Variants in GALNT2 observed in about 807,000 individuals in gnomAD.
GALNT2 encodes the protein UDP-GalNAc:polypeptide N-acetylgalactosaminyltransferase 2.
In GALNT2, 31 loss-of-function variants were observed where a neutral mutation model predicts 81.4. That is an observed-to-expected ratio of 0.38 (90% CI 0.29 to 0.51). The LOEUF (loss-of-function observed/expected upper bound fraction) is 0.51, where lower values mean the gene tolerates loss of function less well. GALNT2 is among the 20% of genes least tolerant of loss of function. The probability of loss-of-function intolerance (pLI) is 0.87; values close to 1 mark genes in which losing one functional copy is unlikely to be tolerated. For synonymous variants in GALNT2, 303 were observed against 287.4 expected (o/e 1.05, Z -0.55); for missense variants, 629 against 765.7 (o/e 0.82, Z 2.11).
intron 1 of GALNT2, among the ~76,000 whole-genome samples, chr1:230,077,865 T>C (rs979086412): frequency 6.6e-6 from 1 of 152,262 alleles, no homozygotes; most frequent in African/African-American, 2.4e-5. Flanking sequence ...GCCTAACTCC[T>C]CAATTCACCA....
intron 1 of GALNT2, among the ~76,000 whole-genome samples, chr1:230,083,058 G>C (rs146214417): frequency 9.9e-5 from 15 of 151,500 alleles, no homozygotes; most frequent in African/African-American, 3.6e-4. Flanking sequence ...TGGGATGATG[G>C]AGCAGGGAAG....
chr1:230,158,214 A>C (rs1209646749), intron 1 of GALNT2, among the ~76,000 whole-genome samples: 2 of 151,932 alleles, frequency 1.3e-5, no homozygotes, highest in Non-Finnish European at 2.9e-5. Flanking sequence ...TGAAGGGGGC[A>C]TTTCGTGTTG....
chr1:230,148,892 C>G (rs1330122149), intron 1 of GALNT2, among the ~76,000 whole-genome samples: 1 of 150,866 alleles, frequency 6.6e-6, no homozygotes, highest in Non-Finnish European at 1.5e-5. Flanking sequence ...CAGCCCCACT[C>G]CTCCCCACCT....
intron 3 of GALNT2, among the ~76,000 whole-genome samples, chr1:230,231,677 A>G (rs185780111): frequency 5.1e-4 from 78 of 152,334 alleles, no homozygotes; most frequent in African/African-American, 1.8e-3. Flanking sequence ...GAGTTCAGGT[A>G]CTGAAAGCCA....
At chr1:230,069,532 G>A (rs1659311248) in intron 1 of GALNT2, among the ~76,000 whole-genome samples, 1 of 152,172 alleles carries the variant, frequency 6.6e-6, no homozygotes, top group Non-Finnish European at 1.5e-5. Flanking sequence ...ACTTCGTGTG[G>A]TGGACCCAGG....
In GALNT2 at chr1:230,097,313, A is replaced by T. The variant is rs192619110; in HGVS notation, c.126+29907A>T. On this transcript the variant is annotated intron_variant, in intron 1 of 15. Coordinates refer to ENST00000366672, the MANE Select transcript of GALNT2 (RefSeq NM_004481.5). ...CAGGTAAGTGGTATTAAGTACATTC[A>T]TATTATTGTGCAGCCATGTCCACCG... Among the ~76,000 whole-genome samples, 258 of 152,258 alleles carry T rather than the reference A, an allele frequency of 1.7e-3. 2 individuals carry two copies. The highest frequency in any genetic ancestry group is 5.9e-3 in the African/African-American group (243 of 41,532).
chr1:230,160,042 A>T (rs10127775), intron 1 of GALNT2, among the ~76,000 whole-genome samples: 68,044 of 151,964 alleles, frequency 0.45, 18,285 homozygotes, highest in Non-Finnish European at 0.6. Flanking sequence ...TCCTAGGCCA[A>T]TGTCCTTAGT....
intron 2 of GALNT2, among the ~76,000 whole-genome samples, chr1:230,196,186 G>A (rs925489306): frequency 2.6e-5 from 4 of 152,200 alleles, no homozygotes; most frequent in East Asian, 1.9e-4. Flanking sequence ...CCTGCCTGCC[G>A]TCCCTCCCTA....
chr1:230,211,199 A>G (rs1014040982), intron 3 of GALNT2, among the ~76,000 whole-genome samples: 1 of 152,128 alleles, frequency 6.6e-6, no homozygotes, highest in South Asian at 2.1e-4. Context: ...GCTCCATGGT[A>G]GAGCTGGCCC....
chr1:230,063,294 G>C (rs1659092028), upstream of GALNT2, among the ~76,000 whole-genome samples: 1 of 148,710 alleles, frequency 6.7e-6, no homozygotes, highest in Non-Finnish European at 1.5e-5. Flanking sequence ...CTCGGCGACA[G>C]AGCAAGTGTC....
chr1:230,193,040 A>G lies in GALNT2; in HGVS notation c.221-10097A>G, dbSNP rs191248436. 6.6e-6 allele frequency among the ~76,000 whole-genome samples: 1 copy of G among 152,320 alleles called. No homozygotes were observed. The highest frequency in any genetic ancestry group is 1.9e-4 in the East Asian group (1 of 5,188). ...TTAGGATTTTTTTTCTTTTAAGCAC[A>G]GTAAAATTACATTCAATTTGAGATC... is the stretch of plus-strand genomic sequence containing the variant. On this transcript the variant is annotated intron_variant, in intron 2 of 15. Coordinates refer to ENST00000366672, the MANE Select transcript of GALNT2 (RefSeq NM_004481.5). This position sits in a 1 kb window ranked among gnomAD's most constrained non-coding sequence, Gnocchi z 4.3.
At chr1:230,069,401 T>C (rs1359496471) in intron 1 of GALNT2, among the ~76,000 whole-genome samples, 1 of 152,196 alleles carries the variant, frequency 6.6e-6, no homozygotes, top group Non-Finnish European at 1.5e-5. Context: ...TGGGATTCTA[T>C]TCTTTCTGTC....
chr1:230,274,378 G>C (rs1312668769), intron 14 of GALNT2, 67 bp from the exon 15 acceptor site: 9 of 1,570,052 alleles, frequency 5.7e-6, no homozygotes, highest in African/African-American at 1.4e-5. Context: ...AGCCCTCATC[G>C]ATGCCCCTTC....
intron 1 of GALNT2, among the ~76,000 whole-genome samples, chr1:230,133,847 T>C (rs1661448312): frequency 6.6e-6 from 1 of 152,218 alleles, no homozygotes; most frequent in South Asian, 2.1e-4. Flanking sequence ...GTGTTAGCTG[T>C]TTAATAAATA....
At chr1:230,084,982 G>A (rs1659856001) in intron 1 of GALNT2, among the ~76,000 whole-genome samples, 2 of 152,118 alleles carry the variant, frequency 1.3e-5, no homozygotes, top group African/African-American at 4.8e-5. Context: ...TGTAAGTTAA[G>A]CCCTTAAATC....
intron 10 of GALNT2, among the ~76,000 whole-genome samples, chr1:230,252,242 G>A (rs564177356): frequency 6.6e-6 from 1 of 152,316 alleles, no homozygotes; most frequent in East Asian, 1.9e-4. Flanking sequence ...GCCTCTGTGG[G>A]TGTGCATTGG....
chr1:230,253,809 T>C (rs1312183572), intron 10 of GALNT2, among the ~76,000 whole-genome samples: 1 of 152,182 alleles, frequency 6.6e-6, no homozygotes, highest in African/African-American at 2.4e-5. Flanking sequence ...TTTTGTATCC[T>C]TGAAAAAATC....
chr1:230,245,639 A>G (rs1665345122), intron 7 of GALNT2, among the ~76,000 whole-genome samples: 1 of 152,220 alleles, frequency 6.6e-6, no homozygotes, highest in South Asian at 2.1e-4. Flanking sequence ...ATTTTGATGT[A>G]TGAGCATTTT....
intron 1 of GALNT2, among the ~76,000 whole-genome samples, chr1:230,097,352 C>T (rs148202067): frequency 5.3e-5 from 8 of 152,282 alleles, no homozygotes; most frequent in South Asian, 4.2e-4. Flanking sequence ...ATCCACGGAG[C>T]TCTTTCAACT....
Sources: gnomAD v4.1 joint callset for allele counts (sites outside exome capture counted in the v4.1 genomes callset) on GRCh38, gnomAD v4.1.1 for gene constraint, Gnocchi (gnomAD v3.1) non-coding constraint, MANE v1.5 for transcripts, NCBI Gene and HGNC (gene_info 2026-07-23, HGNC 2026-07-21) for gene names.